NRG3: variants seen among roughly 807,000 people sequenced by gnomAD.
The protein encoded by NRG3 is pro-neuregulin-3, membrane-bound isoform.
In NRG3, 31 loss-of-function variants were observed where a neutral mutation model predicts 66.9. That is an observed-to-expected ratio of 0.46 (90% CI 0.35 to 0.63). The LOEUF (loss-of-function observed/expected upper bound fraction) is 0.63. Among genes scored for constraint, NRG3 ranks in the 20% least tolerant of loss-of-function variants. The pLI is 0.00. For missense variants in NRG3, 910 were observed against 878.9 expected (o/e 1.04, Z -0.45); for synonymous variants, 393 against 359.4 (o/e 1.09, Z -1.06).
chr10:81,899,971 CTT>C (rs539816695), intron 1 of NRG3, among the ~76,000 whole-genome samples: 4 of 144,426 alleles, frequency 2.8e-5, no homozygotes, highest in African/African-American at 7.6e-5. Context: ...GTTTTTCTTT[CTT>C]TTTTTTTTTT....
intron 2 of NRG3, among the ~76,000 whole-genome samples, chr10:82,652,171 A>T (rs2051468192): frequency 6.6e-6 from 1 of 152,016 alleles, no homozygotes; most frequent in Non-Finnish European, 1.5e-5. Context: ...GCAGGAGTGA[A>T]CTCCATTGTG....
intron 1 of NRG3, among the ~76,000 whole-genome samples, chr10:82,183,136 G>A (rs746332268): frequency 1.3e-5 from 2 of 151,892 alleles, no homozygotes; most frequent in African/African-American, 2.4e-5. Flanking sequence ...TTGCCTTCTT[G>A]AATCTGAGTG....
chr10:82,389,781 A>T (rs2086231887), intron 2 of NRG3, among the ~76,000 whole-genome samples: 2 of 152,326 alleles, frequency 1.3e-5, no homozygotes, highest in South Asian at 4.1e-4. Flanking sequence ...AAAAGTTTCC[A>T]TTATGTACCA....
At chr10:81,949,659 G>T (rs1158521927) in intron 1 of NRG3, among the ~76,000 whole-genome samples, 1 of 152,024 alleles carries the variant, frequency 6.6e-6, no homozygotes, top group Non-Finnish European at 1.5e-5. Flanking sequence ...GGGGCAATAT[G>T]TGAAAAAAAC....
intron 1 of NRG3, among the ~76,000 whole-genome samples, chr10:82,231,237 GGAGGCTGAGGCAGGAGAATCACTT>G (rs1270407058): frequency 6.6e-6 from 1 of 152,112 alleles, no homozygotes; most frequent in Non-Finnish European, 1.5e-5. Flanking sequence ...CATCTGTTCG[GGAGGCTGAGGCAGGAGAATCACTT>G]GAACCTAGGA....
In NRG3 at chr10:82,253,388, C is replaced by A. The variant is rs540525760; in HGVS notation, c.824-105351C>A. ...ACATTGACAACCAAGAAGTTGTAGA[C>A]AATCACACAATGGGGGAGCTTGGCT... On this transcript the variant is annotated intron_variant, in intron 1 of 8. Coordinates refer to ENST00000372141, the MANE Select transcript of NRG3 (RefSeq NM_001010848.4). Among the ~76,000 whole-genome samples, 9 of 152,286 alleles carry A rather than the reference C, an allele frequency of 5.9e-5. No homozygotes were observed. In the South Asian group the frequency reaches 1.9e-3, roughly 32 times the overall value.
At chr10:82,212,210 C>T (rs10509447) in intron 1 of NRG3, among the ~76,000 whole-genome samples, 6,151 of 152,208 alleles carry the variant, frequency 0.04, 136 homozygotes, top group African/African-American at 0.058. Context: ...CTAATAAATG[C>T]TCTTGAGACT....
At chr10:82,172,520 C>A (rs146300093) in intron 1 of NRG3, among the ~76,000 whole-genome samples, 1 of 152,026 alleles carries the variant, frequency 6.6e-6, no homozygotes, top group Non-Finnish European at 1.5e-5. Flanking sequence ...AAGAAATCTA[C>A]GCTTAAATCT....
intron 2 of NRG3, among the ~76,000 whole-genome samples, chr10:82,695,393 A>G (rs972340345): frequency 2.6e-5 from 4 of 152,170 alleles, no homozygotes; most frequent in African/African-American, 9.6e-5. Context: ...TTGAAACACA[A>G]AGGAACAATA....
intron 8 of NRG3, chr10:82,984,852 A>G: frequency 1.3e-6 from 2 of 1,502,206 alleles, no homozygotes; most frequent in Non-Finnish European, 1.8e-6. Context: ...CCCTGGACTT[A>G]AAGTAAGAAG....
At chr10:82,106,259 A>T (rs187567047) in intron 1 of NRG3, among the ~76,000 whole-genome samples, 2 of 152,246 alleles carry the variant, frequency 1.3e-5, no homozygotes, top group East Asian at 3.9e-4. Flanking sequence ...AGCTGTGGAA[A>T]GGGTTAGGCT....
At chr10:82,724,289 A>T (rs889806469) in intron 2 of NRG3, among the ~76,000 whole-genome samples, 11 of 152,180 alleles carry the variant, frequency 7.2e-5, no homozygotes, top group Middle Eastern at 3.4e-3. Flanking sequence ...TTTAATATGA[A>T]ATCACTTTCC....
At chr10:82,729,736 G>T (rs937860626) in intron 2 of NRG3, among the ~76,000 whole-genome samples, 2 of 152,140 alleles carry the variant, frequency 1.3e-5, no homozygotes, top group Non-Finnish European at 2.9e-5. Context: ...GTAAAAAATT[G>T]ATGTGAATGG....
At chr10:82,928,443 G>A (rs1001951759) in intron 4 of NRG3, among the ~76,000 whole-genome samples, 1 of 152,058 alleles carries the variant, frequency 6.6e-6, no homozygotes, top group Non-Finnish European at 1.5e-5. Context: ...TATTGCCTAG[G>A]TTTTCTTCTA....
At chr10:82,187,356 GATATTTATGTT>G (rs1401418340) in intron 1 of NRG3, among the ~76,000 whole-genome samples, 3 of 152,064 alleles carry the variant, frequency 2.0e-5, no homozygotes, top group African/African-American at 7.2e-5. Context: ...GTTGCCTCTG[GATATTTATGTT>G]TACTTATCAG....
At chr10:82,223,999 C>G (rs567107871) in intron 1 of NRG3, among the ~76,000 whole-genome samples, 16 of 152,200 alleles carry the variant, frequency 1.1e-4, no homozygotes, top group African/African-American at 3.9e-4. Context: ...GGATTCTGGG[C>G]CAAAGTATGA....
At chr10:82,752,939 T>C (rs918871896) in intron 3 of NRG3, among the ~76,000 whole-genome samples, 9 of 152,218 alleles carry the variant, frequency 5.9e-5, no homozygotes, top group East Asian at 1.9e-4. Context: ...CAGAAAACGA[T>C]GTAACAACCC....
At chr10:82,334,240 T>C (rs774075216) in intron 1 of NRG3, among the ~76,000 whole-genome samples, 2 of 152,138 alleles carry the variant, frequency 1.3e-5, no homozygotes, top group Non-Finnish European at 2.9e-5. Context: ...TAAGGGCAGC[T>C]TTCTCTCAAT....
intron 1 of NRG3, among the ~76,000 whole-genome samples, chr10:82,319,761 G>A (rs1363310069): frequency 2.6e-5 from 4 of 152,214 alleles, no homozygotes; most frequent in Non-Finnish European, 5.9e-5. Context: ...GCCTGCAGCT[G>A]CCCAGAGTGG....
Sources: allele counts gnomAD v4.1 joint callset (sites outside exome capture counted in the v4.1 genomes callset), GRCh38; gene constraint gnomAD v4.1.1; transcripts MANE v1.5; gene names NCBI Gene and HGNC (gene_info 2026-07-23, HGNC 2026-07-21).